APPBP2: variants seen among roughly 807,000 people sequenced by gnomAD.
APPBP2 encodes amyloid protein-binding protein 2.
In APPBP2, 15 loss-of-function variants were observed where a neutral mutation model predicts 76.0. That is an observed-to-expected ratio of 0.20 (90% CI 0.13 to 0.30). The LOEUF is 0.30. APPBP2 is among the 10% of genes least tolerant of loss of function. The pLI is 1.00. For missense variants in APPBP2, 401 were observed against 687.2 expected, an observed-to-expected ratio of 0.58 and a Z score of 4.66; for synonymous variants, 222 against 242.2, an observed-to-expected ratio of 0.92 and a Z score of 0.77.
intron 4 of APPBP2, 82 bp from the exon 5 acceptor site, chr17:60,466,541 G>A (rs910690556): frequency 1.7e-5 from 22 of 1,305,848 alleles, no homozygotes; most frequent in Non-Finnish European, 2.3e-5. Context: ...TCACCTGAAT[G>A]ACTTAAGGTA....
chr17:60,485,679 T>C (rs1356069783), intron 3 of APPBP2, among the ~76,000 whole-genome samples: 1 of 152,076 alleles, frequency 6.6e-6, no homozygotes, highest in Non-Finnish European at 1.5e-5. Context: ...TTTTGAAGGG[T>C]TTTTTGTGTC....
At chr17:60,501,420 T>C (rs1055211410) in intron 1 of APPBP2, among the ~76,000 whole-genome samples, 6 of 152,302 alleles carry the variant, frequency 3.9e-5, no homozygotes, top group Middle Eastern at 3.4e-3. Flanking sequence ...TCTTGCTCTG[T>C]TGCCCAGGCA....
At chr17:60,464,697 A>G (rs1392108758) in intron 5 of APPBP2, 1 of 152,566 alleles carries the variant, frequency 6.6e-6, no homozygotes, top group Admixed American at 6.5e-5. Context: ...GTGGGAAACA[A>G]AACCAAAAAT....
At chr17:60,491,271 T>C (rs1423266683) in intron 3 of APPBP2, among the ~76,000 whole-genome samples, 2 of 152,180 alleles carry the variant, frequency 1.3e-5, no homozygotes, top group Non-Finnish European at 2.9e-5. Flanking sequence ...GCCAAAAGAC[T>C]GGTGACATTT....
At chr17:60,461,664 T>A in intron 8 of APPBP2, 146 bp downstream of exon 8, 1 of 589,782 alleles carries the variant, frequency 1.7e-6, no homozygotes, top group Non-Finnish European at 3.0e-6. Flanking sequence ...TTCTAGGTAA[T>A]ACTTAATAAA....
At position 60,511,597 on chromosome 17, in the gene APPBP2, GAAAAAGA is replaced by G. The variant is rs1331909226; in HGVS notation, c.139-11117_139-11111del. On this transcript the variant is annotated intron_variant, in intron 1 of 12. Coordinates refer to ENST00000083182, the MANE Select transcript of APPBP2 (RefSeq NM_006380.5). Reference sequence around the variant, plus strand: ...AGACTCCATTGAAAAAAAAAAAAAAGAAAAAGAAAAAAGAAAACACTTCCTGTCTCTA... The same window carrying G: ...AGACTCCATTGAAAAAAAAAAAAAAGAAAAAGAAAACACTTCCTGTCTCTA... 2.1e-5 allele frequency among the ~76,000 whole-genome samples: 3 copies of G among 142,864 alleles called. No individual in the cohort carries two copies. The East Asian group carries it at 6.0e-4, about 29-fold the overall frequency. 93.7% of individuals were successfully genotyped at this position (142,864 alleles called of 152,430 possible).
Position 60,518,512 on chromosome 17 carries a change from G to A in APPBP2, c.138+7282C>T, listed in dbSNP as rs191038336. Among the ~76,000 whole-genome samples the A allele has an allele frequency of 6.8e-4, 103 of 151,386 alleles. 3 individuals are homozygous for A. The highest frequency in any genetic ancestry group is 2.4e-3 in the African/African-American group (98 of 40,908). On this transcript the variant is annotated intron_variant, in intron 1 of 12. Transcript: ENST00000083182. ...AGCTACCATGCCCAGCCGTGTGTGT[G>A]TGTGTGTGTGTGTGTGAAAGAGAGA...
chr17:60,484,954 T>C (rs1197720454), intron 3 of APPBP2, among the ~76,000 whole-genome samples: 2 of 152,308 alleles, frequency 1.3e-5, no homozygotes, highest in African/African-American at 2.4e-5. Flanking sequence ...CCTGCCTCTA[T>C]TGAGATAATC....
At chr17:60,490,775 T>C (rs1221699588) in intron 3 of APPBP2, among the ~76,000 whole-genome samples, 1 of 152,160 alleles carries the variant, frequency 6.6e-6, no homozygotes, top group Non-Finnish European at 1.5e-5. Context: ...TCTCACGAGA[T>C]CTGATGGTTT....
At chr17:60,479,311 A>C (rs367765713) in intron 3 of APPBP2, 40 bp from the exon 4 acceptor site, 13 of 1,567,506 alleles carry the variant, frequency 8.3e-6, no homozygotes, top group African/African-American at 4.1e-5. Context: ...AAACTTGATA[A>C]ATAGCCTGCA....
Position 60,504,760 on chromosome 17 carries a change from C to T in APPBP2, c.139-4273G>A, listed in dbSNP as rs183458814. 4.6e-5 allele frequency among the ~76,000 whole-genome samples: 7 copies of T among 152,202 alleles called. No individual in the cohort carries two copies. In the East Asian group the frequency reaches 5.8e-4, roughly 13 times the overall value. ...CGGAGGTTGCAATAAGCTGATATTGCGCACTGCACTCCAGCCTGGGTGACA... is the reference window on the plus strand; with the variant it reads ...CGGAGGTTGCAATAAGCTGATATTGTGCACTGCACTCCAGCCTGGGTGACA... On this transcript the variant is annotated intron_variant, in intron 1 of 12. Transcript: ENST00000083182.
At position 60,498,035 on chromosome 17, in the gene APPBP2, GA is replaced by G. The variant is rs540283227; in HGVS notation, c.227+2363del. Reference sequence around the variant, plus strand: ...CATGCCTGTATTCCCAGCTACTTGGGAGTATCACCTGAGCCCTGGAAGTCGA... The same window carrying G: ...CATGCCTGTATTCCCAGCTACTTGGGGTATCACCTGAGCCCTGGAAGTCGA... On this transcript the variant is annotated intron_variant, in intron 2 of 12. Coordinates refer to ENST00000083182, the MANE Select transcript of APPBP2 (RefSeq NM_006380.5). Among the ~76,000 whole-genome samples, 9 of 152,044 alleles carry G rather than the reference GA, an allele frequency of 5.9e-5. No homozygotes were observed. The East Asian group carries it at 1.5e-3, about 26-fold the overall frequency.
rs1046350978 is a variant in APPBP2 at position 60,452,217 on chromosome 17, A to T, written c.1339-172T>A. On this transcript the variant is annotated intron_variant, in intron 11 of 12. Transcript: ENST00000083182. Reference sequence around the variant, plus strand: ...AAATTGCCTATGGGAAGCATTACAGAGTTTTGGAAACTGCAGATAAACTGA... The same window carrying T: ...AAATTGCCTATGGGAAGCATTACAGTGTTTTGGAAACTGCAGATAAACTGA... Among the ~76,000 whole-genome samples, 6 of 152,246 alleles carry T rather than the reference A, an allele frequency of 3.9e-5. No homozygotes were observed. The East Asian group carries it at 1.2e-3, about 29-fold the overall frequency.
chr17:60,453,929 G>C (rs1469842626), intron 11 of APPBP2, among the ~76,000 whole-genome samples: 2 of 152,082 alleles, frequency 1.3e-5, no homozygotes, highest in African/African-American at 4.8e-5. Context: ...CTAGAGGGCA[G>C]TGATGTGATC....
At chr17:60,492,369 G>A (rs903377093) in intron 3 of APPBP2, among the ~76,000 whole-genome samples, 1 of 152,244 alleles carries the variant, frequency 6.6e-6, no homozygotes, top group African/African-American at 2.4e-5. Context: ...ATGAGAAGAG[G>A]GCCACTGTGC....
chr17:60,464,306 C>G (rs187959882), intron 5 of APPBP2, among the ~76,000 whole-genome samples, 196 bp from the exon 6 acceptor site: 2 of 152,278 alleles, frequency 1.3e-5, no homozygotes, highest in African/African-American at 4.8e-5. Context: ...ATATCTATAG[C>G]TTATCTGAAT....
Position 60,447,515 on chromosome 17 carries a change from T to C in APPBP2, c.*66A>G, listed in dbSNP as rs1361306323. 5.9e-6 allele frequency: 9 copies of C among 1,525,224 alleles called. No individual in the cohort carries two copies. The highest frequency in any genetic ancestry group is 7.9e-6 in the Non-Finnish European group (9 of 1,137,206). The allele number at this position is 1,525,224 out of a possible 1,614,324, so 94.5% of individuals were successfully genotyped here. On this transcript the variant is annotated 3_prime_UTR_variant, in exon 13 of 13. Transcript: ENST00000083182. The stretch of plus-strand genomic sequence containing the variant: ...ATTCCAGCCCCCCAAAACAACATGG[T>C]TTTGATTTCACAGTATGAATTCCCT...
At chr17:60,487,040 G>A (rs2090685168) in intron 3 of APPBP2, among the ~76,000 whole-genome samples, 1 of 152,172 alleles carries the variant, frequency 6.6e-6, no homozygotes, top group Admixed American at 6.6e-5. Context: ...CTTCTGGCTT[G>A]TAGAGTTTCT....
chr17:60,472,685 G>A (rs1303384839), intron 4 of APPBP2, among the ~76,000 whole-genome samples: 3 of 152,176 alleles, frequency 2.0e-5, no homozygotes, highest in Non-Finnish European at 4.4e-5. Flanking sequence ...GCACTGGAGA[G>A]CTAGCCAAAG....
Sources: gnomAD v4.1 joint callset for allele counts (sites outside exome capture counted in the v4.1 genomes callset) on GRCh38, gnomAD v4.1.1 for gene constraint, MANE v1.5 for transcripts, NCBI Gene and HGNC (gene_info 2026-07-23, HGNC 2026-07-21) for gene names.